KRABD5: variants seen among roughly 807,000 people sequenced by gnomAD.
The protein encoded by KRABD5 is KRAB domain-containing protein 5.
chr16:31,759,445 G>T, the KRABD5 span: 1 of 1,525,358 alleles, frequency 6.6e-7, no homozygotes, highest in Admixed American at 2.0e-5. Flanking sequence ...TGAGGGTGAT[G>T]AAAGTGTTGC....
At chr16:31,723,144 GGGGAA>G in the KRABD5 span, 1 of 1,136,904 alleles carries the variant, frequency 8.8e-7, no homozygotes. Context: ...AACAGTATTT[GGGGAA>G]GTAATTTTCT....
the KRABD5 span, among the ~76,000 whole-genome samples, chr16:31,725,543 C>T: frequency 6.6e-6 from 1 of 152,154 alleles, no homozygotes; most frequent in Admixed American, 6.5e-5. Context: ...ACATTTCCAC[C>T]AATGGCATAC....
At chr16:31,743,840 C>T in the KRABD5 span, among the ~76,000 whole-genome samples, 4 of 152,090 alleles carry the variant, frequency 2.6e-5, no homozygotes, top group Admixed American at 2.6e-4. Flanking sequence ...TCCTTCACAT[C>T]CCTTATTAGC....
At chr16:31,718,159 C>G in the KRABD5 span, among the ~76,000 whole-genome samples, 45 of 152,244 alleles carry the variant, frequency 3.0e-4, no homozygotes, top group African/African-American at 9.6e-4. Context: ...CCCTCCAGCA[C>G]CTAAATCTGT....
chr16:31,728,731 C>G, the KRABD5 span, among the ~76,000 whole-genome samples: 2 of 152,026 alleles, frequency 1.3e-5, no homozygotes, highest in African/African-American at 4.8e-5. Flanking sequence ...GTGATCTGTC[C>G]TGGAGAATAT....
the KRABD5 span, among the ~76,000 whole-genome samples, chr16:31,735,951 C>T: frequency 2.0e-5 from 3 of 152,058 alleles, no homozygotes; most frequent in African/African-American, 7.2e-5. Flanking sequence ...CTTAGGTTGC[C>T]TTTGCTTTGA....
the KRABD5 span, among the ~76,000 whole-genome samples, chr16:31,737,601 C>G: frequency 6.6e-6 from 1 of 152,068 alleles, no homozygotes; most frequent in Admixed American, 6.6e-5. Context: ...TTCTTGGAAC[C>G]CTTGTTGAAT....
At chr16:31,740,177 C>G in the KRABD5 span, among the ~76,000 whole-genome samples, 2 of 152,314 alleles carry the variant, frequency 1.3e-5, no homozygotes, top group East Asian at 3.9e-4. Flanking sequence ...TTTAATTCCT[C>G]TAGCGCTGCT....
the KRABD5 span, among the ~76,000 whole-genome samples, chr16:31,727,244 G>A: frequency 3.3e-4 from 50 of 152,118 alleles, 1 homozygote; most frequent in Non-Finnish European, 1.0e-4. Context: ...ACAATTCTTC[G>A]TTGCTGATAT....
the KRABD5 span, chr16:31,758,576 C>G: frequency 6.6e-6 from 1 of 151,352 alleles, no homozygotes. Flanking sequence ...GAGTTCAAGA[C>G]CAGCCTAGCC....
chr16:31,752,469 G>T, the KRABD5 span, among the ~76,000 whole-genome samples: 1 of 152,004 alleles, frequency 6.6e-6, no homozygotes, highest in Admixed American at 6.6e-5. Flanking sequence ...TTGGTGCATA[G>T]GTGTTTAGCA....
chr16:31,759,514 GT>G, the KRABD5 span: 1 of 1,213,484 alleles, frequency 8.2e-7, no homozygotes, highest in Non-Finnish European at 1.2e-6. Context: ...TACAGTTAAG[GT>G]TTATGCCTTG....
chr16:31,735,904 T>C, the KRABD5 span, among the ~76,000 whole-genome samples: 1 of 152,244 alleles, frequency 6.6e-6, no homozygotes, highest in Non-Finnish European at 1.5e-5. Flanking sequence ...TATGCAAAAG[T>C]CTTTTAGGTT....
the KRABD5 span, chr16:31,714,380 T>C: frequency 1.8e-5 from 8 of 456,304 alleles, no homozygotes; most frequent in South Asian, 1.1e-4. Context: ...ACTGAACATC[T>C]GACTGGCTGG....
the KRABD5 span, among the ~76,000 whole-genome samples, chr16:31,743,130 A>T: frequency 6.6e-6 from 1 of 151,366 alleles, no homozygotes; most frequent in South Asian, 2.1e-4. Flanking sequence ...GTTTAATTAG[A>T]TCCCATTTGT....
At chr16:31,730,228 A>G in the KRABD5 span, among the ~76,000 whole-genome samples, 3 of 150,938 alleles carry the variant, frequency 2.0e-5, no homozygotes, top group Non-Finnish European at 4.4e-5. Context: ...AATTCCTTTA[A>G]TTTTTTTTTT....
At chr16:31,760,838 T>C in the KRABD5 span, 3 of 152,220 alleles carry the variant, frequency 2.0e-5, no homozygotes, top group African/African-American at 4.8e-5. Flanking sequence ...ATGAGTAATG[T>C]TGGGCCTTGA....
At chr16:31,714,648 G>A in the KRABD5 span, among the ~76,000 whole-genome samples, 1 of 152,218 alleles carries the variant, frequency 6.6e-6, no homozygotes, top group Non-Finnish European at 1.5e-5. Flanking sequence ...TCTTATTTGA[G>A]CCTGCAAAAG....
At chr16:31,715,194 G>C in the KRABD5 span, among the ~76,000 whole-genome samples, 4 of 152,290 alleles carry the variant, frequency 2.6e-5, no homozygotes, top group South Asian at 8.3e-4. Flanking sequence ...TGGAGAAGGG[G>C]AGAAATTTAA....
Sources: gnomAD v4.1 joint callset for allele counts (sites outside exome capture counted in the v4.1 genomes callset) on GRCh38, gnomAD v4.1.1 for gene constraint, MANE v1.5 for transcripts, NCBI Gene and HGNC (gene_info 2026-07-23, HGNC 2026-07-21) for gene names.